Variants in RBM17 observed in about 807,000 individuals in gnomAD.
RBM17 encodes the protein RNA binding motif protein 17, also known as splicing factor 45.
A neutral mutation model predicts 53.2 loss-of-function variants in RBM17; 7 were observed. The ratio of observed to expected loss-of-function variants is 0.13; its 90% CI spans 0.07 to 0.25. The LOEUF (loss-of-function observed/expected upper bound fraction) is 0.25. Ranked by LOEUF, RBM17 falls within the 10% of genes least tolerant of loss-of-function variation. The probability of loss-of-function intolerance (pLI) is 1.00; values close to 1 mark genes in which losing one functional copy is unlikely to be tolerated. For missense variants in RBM17, 257 were observed against 496.7 expected, an observed-to-expected ratio of 0.52 and a Z score of 4.59; for synonymous variants, 167 against 178.1, an observed-to-expected ratio of 0.94 and a Z score of 0.50.
intron 3 of RBM17, 119 bp from the exon 4 acceptor site, chr10:6,104,810 CAG>C (rs1043575461): frequency 2.4e-5 from 19 of 784,070 alleles, no homozygotes; most frequent in Admixed American, 5.2e-5. Context: ...GTCTTTAAAA[CAG>C]AGGAAGGGGC....
chr10:6,096,134 T>C (rs1024685601), intron 1 of RBM17, among the ~76,000 whole-genome samples: 8 of 152,230 alleles, frequency 5.3e-5, no homozygotes, highest in Non-Finnish European at 1.2e-4. Context: ...TGAGATTGAT[T>C]TCTTATTTGA....
At chr10:6,100,453 A>G (rs1840654043) in intron 2 of RBM17, among the ~76,000 whole-genome samples, 1 of 152,200 alleles carries the variant, frequency 6.6e-6, no homozygotes, top group Non-Finnish European at 1.5e-5. Context: ...TCCAGGTTTC[A>G]GGAATTACAA....
chr10:6,097,316 G>C (rs1588344011), intron 2 of RBM17, 128 bp downstream of exon 2: 1 of 947,196 alleles, frequency 1.1e-6, no homozygotes, highest in African/African-American at 1.6e-5. Context: ...GCATTTGTAG[G>C]GGGAGAGGAA....
intron 8 of RBM17, chr10:6,113,302 A>G (rs1022672174): frequency 2.2e-6 from 1 of 449,842 alleles, no homozygotes. Flanking sequence ...GCTATTGTAA[A>G]AACATGCCAA....
chr10:6,106,442 C>T, intron 5 of RBM17: 1 of 476,030 alleles, frequency 2.1e-6, no homozygotes, highest in East Asian at 3.7e-5. Flanking sequence ...AGCTTCACAA[C>T]CACTTTCTAA....
intron 4 of RBM17, among the ~76,000 whole-genome samples, chr10:6,105,415 G>A (rs1240313288): frequency 2.0e-5 from 3 of 152,146 alleles, no homozygotes; most frequent in Admixed American, 6.5e-5. Context: ...TCAAAAATCC[G>A]AAATCTGAAA....
chr10:6,106,081 AG>A (rs1840744327), intron 4 of RBM17, 59 bp from the exon 5 acceptor site: 1 of 1,175,730 alleles, frequency 8.5e-7, no homozygotes, highest in Non-Finnish European at 1.3e-6. Context: ...AAGTCATCCC[AG>A]GTTCAGGTCT....
intron 5 of RBM17, among the ~76,000 whole-genome samples, chr10:6,107,654 G>T (rs1179847902): frequency 6.6e-6 from 1 of 150,378 alleles, no homozygotes; most frequent in Non-Finnish European, 1.5e-5. Context: ...GCTGATTTTT[G>T]CATTTTTAGT....
intron 1 of RBM17, among the ~76,000 whole-genome samples, chr10:6,094,634 CAGTGCTAAGCTGG>C (rs1196088660): frequency 4.6e-5 from 7 of 152,210 alleles, no homozygotes; most frequent in African/African-American, 1.7e-4. Context: ...TTGGGAGCCA[CAGTGCTAAGCTGG>C]ACACTCAGCA....
At chr10:6,090,285 G>A (rs1158969936) in intron 1 of RBM17, among the ~76,000 whole-genome samples, 2 of 152,320 alleles carry the variant, frequency 1.3e-5, no homozygotes, top group East Asian at 1.9e-4. Flanking sequence ...CTGGCTCCCC[G>A]CAGCAGATGG....
chr10:6,112,781 A>G lies in RBM17; in HGVS notation c.856+420A>G. On this transcript the variant is annotated intron_variant, in intron 8 of 11. Transcript: ENST00000379888. This position sits in a 1 kb window ranked among gnomAD's most constrained non-coding sequence, Gnocchi z 4.4. ...CTCTACTTTTCCCTTTTGCCCTTTC[A>G]GTATAGATGTGATTTCTGATTCTCT... 4.3e-6 allele frequency: 1 copy of G among 231,558 alleles called. No individual in the cohort carries two copies. Among genetic ancestry groups the G allele is most frequent in the South Asian group, 6.2e-5 (1 of 16,104 alleles). The allele number at this position is 231,558 out of a possible 1,614,324, so 14.3% of individuals were successfully genotyped here. A position where few individuals can be genotyped will look rare whatever the true frequency, so the allele number is the denominator to read the frequency against.
At position 6,112,393 on chromosome 10, in the gene RBM17, G is replaced by T; in HGVS notation, c.856+32G>T. 8.1e-6 allele frequency: 13 copies of T among 1,612,596 alleles called. No homozygotes were observed. The highest frequency in any genetic ancestry group is 2.7e-5 in the African/African-American group (2 of 74,988). ...CCCCAGGGAAGCGTGTGACTAGAGGGAAAGGACTGGCCCCATCCATATCAG... is the reference window on the plus strand; with the variant it reads ...CCCCAGGGAAGCGTGTGACTAGAGGTAAAGGACTGGCCCCATCCATATCAG... On this transcript the variant is annotated intron_variant, in intron 8 of 11. Transcript: ENST00000379888. The surrounding 1 kb of genome is among the most constrained non-coding windows in gnomAD (Gnocchi z 4.4).
intron 1 of RBM17, among the ~76,000 whole-genome samples, chr10:6,093,569 A>G (rs559343970): frequency 1.3e-4 from 20 of 152,308 alleles, no homozygotes; most frequent in Admixed American, 3.9e-4. Flanking sequence ...TATGACAGAA[A>G]TTGTAGATGC....
At chr10:6,100,777 A>T (rs1054674385) in intron 2 of RBM17, among the ~76,000 whole-genome samples, 6 of 152,170 alleles carry the variant, frequency 3.9e-5, no homozygotes, top group African/African-American at 1.4e-4. Flanking sequence ...TAGGGGTAGT[A>T]ATCTGACAGG....
intron 4 of RBM17, 41 bp downstream of exon 4, chr10:6,105,138 A>G: frequency 1.3e-6 from 2 of 1,587,342 alleles, no homozygotes; most frequent in Admixed American, 3.4e-5. Flanking sequence ...TACAGTTGAA[A>G]TGTTCATTAA....
chr10:6,115,216 A>G (rs1231637360), intron 10 of RBM17, 23 bp from the exon 11 acceptor site: 2 of 1,601,788 alleles, frequency 1.2e-6, no homozygotes, highest in East Asian at 2.2e-5. Flanking sequence ...GCCTTTACTC[A>G]TCACGCTCTC....
chr10:6,105,158 G>A, intron 4 of RBM17, 61 bp downstream of exon 4: 3 of 1,499,024 alleles, frequency 2.0e-6, no homozygotes, highest in East Asian at 2.3e-5. Flanking sequence ...AAATGTTAAC[G>A]AATGAGCGTC....
chr10:6,092,954 T>A (rs965957679), intron 1 of RBM17, among the ~76,000 whole-genome samples: 4 of 152,250 alleles, frequency 2.6e-5, no homozygotes, highest in Admixed American at 6.5e-5. Context: ...GTCAGCCATC[T>A]TAAATGACAT....
At chr10:6,103,566 T>A (rs1366791343) in intron 3 of RBM17, among the ~76,000 whole-genome samples, 1 of 152,212 alleles carries the variant, frequency 6.6e-6, no homozygotes, top group Non-Finnish European at 1.5e-5. Context: ...TTTTTAAATG[T>A]CTTTTATAAA....
Sources: gnomAD v4.1 joint callset for allele counts (sites outside exome capture counted in the v4.1 genomes callset) on GRCh38, gnomAD v4.1.1 for gene constraint, Gnocchi (gnomAD v3.1) non-coding constraint, MANE v1.5 for transcripts, NCBI Gene and HGNC (gene_info 2026-07-23, HGNC 2026-07-21) for gene names.